The following DDHD2 variants were observed in gnomAD, a reference collection of about 807,000 sequenced individuals.
DDHD2 encodes DDHD domain containing 2, also known as triacylglycerol hydrolase DDHD2.
In DDHD2, 62 loss-of-function variants were observed where a neutral mutation model predicts 91.2. That is an observed-to-expected ratio of 0.68 (90% confidence interval 0.55 to 0.84). DDHD2 has a LOEUF of 0.84. Ranked by LOEUF, DDHD2 falls within the 40% of genes least tolerant of loss-of-function variation. The probability of loss-of-function intolerance (pLI) is 0.00; values close to 1 mark genes in which losing one functional copy is unlikely to be tolerated. For synonymous variants in DDHD2, 271 were observed against 293.9 expected (o/e 0.92, Z 0.80); for missense variants, 740 against 846.9 (o/e 0.87, Z 1.57).
At chr8:38,244,826 A>C (rs994680773) in intron 7 of DDHD2, among the ~76,000 whole-genome samples, 2 of 152,160 alleles carry the variant, frequency 1.3e-5, no homozygotes, top group Non-Finnish European at 2.9e-5. Flanking sequence ...AGCCTCCCAA[A>C]GTGCTGGCAT....
rs957457564 is a variant in DDHD2 at position 38,259,909 on chromosome 8, G to C, written c.2055-131G>C. The C allele has an allele frequency of 1.2e-4, 78 of 634,366 alleles. No homozygotes were observed. The African/African-American group carries it at 1.4e-3, about 11-fold the overall frequency. 39.3% of individuals were successfully genotyped at this position (634,366 alleles called of 1,614,324 possible). A position where few individuals can be genotyped will look rare whatever the true frequency, so the allele number is the denominator to read the frequency against. On this transcript the variant is annotated intron_variant, in intron 16 of 17. Transcript: ENST00000397166. ...AACCACTGCCAATTACATTACTTCT[G>C]AATCTCATTTCTTTGCAGAAGTAAA...
In DDHD2 at chr8:38,260,754, C is replaced by G. The variant is rs1025387748; in HGVS notation, c.*181C>G. 1 of 152,710 alleles carries G rather than the reference C, an allele frequency of 6.5e-6. No homozygotes were observed. The highest frequency in any genetic ancestry group is 1.5e-5 in the Non-Finnish European group (1 of 68,108). The allele number at this position is 152,710 out of a possible 1,614,324, so 9.5% of individuals were successfully genotyped here. On this transcript the variant is annotated 3_prime_UTR_variant, in exon 18 of 18. Transcript: ENST00000397166. ...TCCTCTTTGGAAATGAATGGAAAAG[C>G]AAAAGGCCCTATTACTTTTAACCAC...
rs906890512 is a variant in DDHD2, at chr8:38,252,812, C to T, written c.1708C>T (p.Arg570Trp). 6.2e-7 allele frequency: 1 copy of T among 1,613,922 alleles called. No individual in the cohort carries two copies. ...MLIPHHKGRK[R>W]MHLELREGLT... ...GATCCCACATCATAAAGGCAGGAAGCGGATGCACTTAGGTAAGTCCGAGCA... is the reference window on the plus strand; with the variant it reads ...GATCCCACATCATAAAGGCAGGAAGTGGATGCACTTAGGTAAGTCCGAGCA... The change falls in exon 14 of 18, where the codon CGG (arginine) becomes TGG (tryptophan). Residue 570 changes from arginine to tryptophan, a missense_variant. Arg to Trp is a moderately radical substitution (Grantham distance 101). Coordinates refer to ENST00000397166, the MANE Select transcript of DDHD2 (RefSeq NM_015214.3).
chr8:38,252,465 TTA>T (rs372609364), intron 13 of DDHD2, among the ~76,000 whole-genome samples, 178 bp downstream of exon 13: 10 of 152,174 alleles, frequency 6.6e-5, no homozygotes, highest in African/African-American at 2.2e-4. Context: ...TTAAATGAAC[TTA>T]TGATTATTGT....
At chr8:38,245,974 C>T in intron 8 of DDHD2, 24 bp downstream of exon 8, 1 of 1,585,672 alleles carries the variant, frequency 6.3e-7, no homozygotes, top group Non-Finnish European at 8.6e-7. Flanking sequence ...TTCTGTGTGA[C>T]CAGAGAAGAC....
At position 38,253,152 on chromosome 8, in the gene DDHD2, C is replaced by T. The variant is rs563688645; in HGVS notation, c.1891+25C>T. On this transcript the variant is annotated intron_variant, in intron 15 of 17. Transcript: ENST00000397166. ...GGTCAGTGACACTGTACACATTGAC[C>T]AGCTGCCAGATAAGAGGGATGCCAT... is the stretch of plus-strand genomic sequence containing the variant. The T allele has an allele frequency of 2.5e-6, 4 of 1,587,968 alleles. No homozygotes were observed. In the African/African-American group the frequency reaches 5.4e-5, roughly 21 times the overall value.
chr8:38,250,763 C>A (rs527981332), intron 11 of DDHD2: 19 of 152,020 alleles, frequency 1.2e-4, no homozygotes, highest in African/African-American at 4.6e-4. Flanking sequence ...TAACCATTAC[C>A]ACTATCCAAT....
At chr8:38,264,709 G>T, downstream of DDHD2, 1 of 1,432,382 alleles carries the variant, frequency 7.0e-7, no homozygotes, top group Non-Finnish European at 9.2e-7. Flanking sequence ...CTACTGTGGG[G>T]CTAAAATAAC....
chr8:38,244,161 T>C (rs1370441752), intron 7 of DDHD2, among the ~76,000 whole-genome samples: 1 of 152,178 alleles, frequency 6.6e-6, no homozygotes, highest in Non-Finnish European at 1.5e-5. Context: ...TTGGCCAAGC[T>C]GGTTTTGAAC....
downstream of DDHD2, among the ~76,000 whole-genome samples, chr8:38,265,917 T>C (rs1165029374): frequency 6.6e-6 from 1 of 152,236 alleles, no homozygotes; most frequent in African/African-American, 2.4e-5. Context: ...AACTTGAACT[T>C]ACAATGCTTC....
intron 10 of DDHD2, among the ~76,000 whole-genome samples, chr8:38,248,782 T>C (rs1291412115): frequency 6.6e-6 from 1 of 151,408 alleles, no homozygotes; most frequent in Non-Finnish European, 1.5e-5. Context: ...CTGTCTGTAC[T>C]AAAAATACAA....
intron 11 of DDHD2, chr8:38,250,743 TAG>T (rs1806048935): frequency 6.6e-6 from 1 of 152,164 alleles, no homozygotes; most frequent in African/African-American, 2.4e-5. Flanking sequence ...AGTATATTCA[TAG>T]AGTTATGTAA....
intron 1 of DDHD2, chr8:38,268,662 A>G (rs374589728): frequency 1.4e-6 from 2 of 1,432,838 alleles, no homozygotes; most frequent in Non-Finnish European, 9.1e-7. Context: ...GCTGAGGCAC[A>G]GAGCGCCCGG....
chr8:38,238,495 C>T (rs1804981840), intron 5 of DDHD2: 1 of 1,121,052 alleles, frequency 8.9e-7, no homozygotes, highest in Admixed American at 4.9e-5. Context: ...AAGTGTGATT[C>T]CACCTACTTG....
Position 38,249,692 on chromosome 8 carries a change from G to A in DDHD2, c.1249-16G>A, listed in dbSNP as rs201331349. The A allele has an allele frequency of 3.2e-6, 5 of 1,577,518 alleles. No individual in the cohort carries two copies. The Admixed American group carries it at 8.8e-5, about 28-fold the overall frequency. ...TTTTGTCTAGAAATAAGAAAGACTT[G>A]ATTTTCTATGCCTAGGCTTTATGTA... On this transcript the variant is annotated splice_polypyrimidine_tract_variant and intron_variant, in intron 10 of 17. Coordinates refer to ENST00000397166, the MANE Select transcript of DDHD2 (RefSeq NM_015214.3).
At chr8:38,236,559 A>T (rs988146768) in intron 3 of DDHD2, among the ~76,000 whole-genome samples, 2 of 150,706 alleles carry the variant, frequency 1.3e-5, no homozygotes, top group African/African-American at 2.4e-5. Flanking sequence ...CTTGTTTCCC[A>T]GGCTGTAGTG....
At position 38,253,652 on chromosome 8, in the gene DDHD2, T is replaced by A; in HGVS notation, c.1988T>A (p.Leu663Gln). 6.2e-7 allele frequency: 1 copy of A among 1,614,186 alleles called. No homozygotes were observed. Among genetic ancestry groups the A allele is most frequent in the Non-Finnish European group, 8.5e-7 (1 of 1,179,980 alleles). Residue 663 changes from leucine (L) to glutamine (Q), a missense_variant, in exon 16 of 18, where the codon CTA becomes CAA. Leu to Gln is a moderately radical substitution (Grantham distance 113, BLOSUM62 -2). Coordinates refer to ENST00000397166, the MANE Select transcript of DDHD2 (RefSeq NM_015214.3). ...LNGGQRIDYV[L>Q]QEKPIESFNE... ...GGAGGCCAACGCATTGACTATGTGC[T>A]ACAGGAGAAGCCTATTGAAAGTTTT...
chr8:38,233,295 T>A, intron 2 of DDHD2, 81 bp downstream of exon 2: 1 of 1,116,422 alleles, frequency 9.0e-7, no homozygotes, highest in Non-Finnish European at 1.3e-6. Context: ...TAGTGAGTGC[T>A]ATGAAAACCA....
intron 16 of DDHD2, among the ~76,000 whole-genome samples, chr8:38,255,693 CATT>C (rs1373191668): frequency 1.3e-5 from 2 of 151,618 alleles, no homozygotes; most frequent in African/African-American, 4.8e-5. Context: ...GTTGTTTCCT[CATT>C]TTTTTTTTTA....
Sources: allele counts gnomAD v4.1 joint callset (sites outside exome capture counted in the v4.1 genomes callset), GRCh38; gene constraint gnomAD v4.1.1; transcripts MANE v1.5; gene names NCBI Gene and HGNC (gene_info 2026-07-23, HGNC 2026-07-21).